Variants in GRIK5 observed in about 807,000 individuals in gnomAD.
GRIK5 encodes glutamate ionotropic receptor kainate type subunit 5.
In GRIK5, 43 loss-of-function variants were observed where a neutral mutation model predicts 97.4. That is an observed-to-expected ratio of 0.44 (90% CI 0.35 to 0.57). GRIK5 has a LOEUF of 0.57. Ranked by LOEUF, GRIK5 falls within the 20% of genes least tolerant of loss-of-function variation. The pLI, the probability that GRIK5 is intolerant of heterozygous loss-of-function variation, is 0.01. For missense variants in GRIK5, 1,015 were observed against 1,382.0 expected (o/e 0.73, Z 4.21); for synonymous variants, 580 against 583.5 (o/e 0.99, Z 0.09).
chr19:42,044,810 C>G (rs999445879), intron 11 of GRIK5, among the ~76,000 whole-genome samples: 4 of 152,140 alleles, frequency 2.6e-5, no homozygotes. Context: ...ATTAGCCAGG[C>G]GTGCTGGTGT....
chr19:42,027,380 G>T (rs951262611), intron 12 of GRIK5, among the ~76,000 whole-genome samples: 2 of 152,216 alleles, frequency 1.3e-5, no homozygotes, highest in African/African-American at 4.8e-5. Flanking sequence ...AGTGATCAGC[G>T]GGTTCAGTCC....
intron 6 of GRIK5, among the ~76,000 whole-genome samples, chr19:42,057,690 C>T (rs978974358): frequency 3.3e-5 from 5 of 152,052 alleles, no homozygotes; most frequent in East Asian, 1.9e-4. Flanking sequence ...AATTTTAAGC[C>T]CTACACTCTC....
At chr19:42,007,081 T>C (rs1476526176) in intron 15 of GRIK5, among the ~76,000 whole-genome samples, 2 of 151,742 alleles carry the variant, frequency 1.3e-5, no homozygotes, top group East Asian at 1.9e-4. Context: ...CTGGATAGAA[T>C]ACAGGAAACT....
At chr19:42,064,381 G>A (rs1402284411) in intron 3 of GRIK5, among the ~76,000 whole-genome samples, 3 of 151,962 alleles carry the variant, frequency 2.0e-5, no homozygotes, top group Admixed American at 2.0e-4. Context: ...CTCCAAATAT[G>A]TCCTGAATCC....
intron 11 of GRIK5, among the ~76,000 whole-genome samples, chr19:42,047,833 T>TG (rs1009296265): frequency 1.3e-5 from 2 of 151,058 alleles, no homozygotes; most frequent in African/African-American, 4.9e-5. Flanking sequence ...CAGCCAGGCG[T>TG]GGTGGTGGGC....
At position 42,021,864 on chromosome 19, in the gene GRIK5, G is replaced by A. The variant is rs776330728; in HGVS notation, c.1697+83C>T. The A allele has an allele frequency of 2.2e-5, 19 of 851,618 alleles. No homozygotes were observed. Among genetic ancestry groups the A allele is most frequent in the Admixed American group, 4.4e-5 (2 of 45,012 alleles). The allele number at this position is 851,618 out of a possible 1,614,324, so 52.8% of individuals were successfully genotyped here. On this transcript the variant is annotated intron_variant, in intron 14 of 19. Transcript: ENST00000593562. This position sits in a 1 kb window ranked among gnomAD's most constrained non-coding sequence, Gnocchi z 4.2. Reference sequence around the variant, plus strand: ...CAAAGGGGAGGCCAAGGACAGTTCCGAGAGAGAAGAGGCAGGTCGGTCCCA... The same window carrying A: ...CAAAGGGGAGGCCAAGGACAGTTCCAAGAGAGAAGAGGCAGGTCGGTCCCA...
rs1431538407 is a variant in GRIK5 at position 42,042,496 on chromosome 19, C to T, written c.1473+56G>A. 15 of 1,480,908 alleles carry T rather than the reference C, an allele frequency of 1.0e-5. No individual in the cohort carries two copies. The Admixed American group carries it at 1.4e-4, about 14-fold the overall frequency. The allele number at this position is 1,480,908 out of a possible 1,614,324, so 91.7% of individuals were successfully genotyped here. ...AGGTTCGACTGGCTGCCCAGCTGCC[C>T]GCCCTCCCTCACTCGCCGGGTCCAT... On this transcript the variant is annotated intron_variant, in intron 12 of 19. Transcript: ENST00000593562. The surrounding 1 kb of genome is among the most constrained non-coding windows in gnomAD (Gnocchi z 6.9).
chr19:41,999,301 TG>T lies in GRIK5; in HGVS notation c.2515-3del. 1.3e-6 allele frequency: 2 copies of T among 1,512,468 alleles called. No homozygotes were observed. The highest frequency in any genetic ancestry group is 1.2e-5 in the South Asian group (1 of 82,576). The allele number at this position is 1,512,468 out of a possible 1,614,324, so 93.7% of individuals were successfully genotyped here. On this transcript the variant is annotated splice_polypyrimidine_tract_variant and splice_region_variant and intron_variant, in intron 19 of 19. Transcript: ENST00000593562. This position sits in a 1 kb window ranked among gnomAD's most constrained non-coding sequence, Gnocchi z 5.0. ...CAGCATCTCCTGGCACACCGACACCTGGGGGTGGCGCGGGCGGTCACCGTCC... is the reference window on the plus strand; with the variant it reads ...CAGCATCTCCTGGCACACCGACACCTGGGGTGGCGCGGGCGGTCACCGTCC...
chr19:41,999,258 G>C lies in GRIK5; in HGVS notation c.2556C>G (p.Ala852=). ...AACGCGACGTCTTGCGGCAAGAAAC[G>C]GCGTGGCGCAGCTCCTGCAGCATCT... The part of the protein sequence containing the change: ...CQEMLQELRH[A]VSCRKTSRSR... The change falls in exon 20 of 20, where the codon GCC becomes GCG. Residue 852 remains alanine, a synonymous_variant. Coordinates refer to ENST00000593562, the MANE Select transcript of GRIK5 (RefSeq NM_002088.5). The surrounding 1 kb of genome is among the most constrained non-coding windows in gnomAD (Gnocchi z 5.0). 2 of 1,524,590 alleles carry C rather than the reference G, an allele frequency of 1.3e-6. No individual in the cohort carries two copies. Among genetic ancestry groups the C allele is most frequent in the South Asian group, 1.2e-5 (1 of 83,522 alleles). The allele number at this position is 1,524,590 out of a possible 1,614,324, so 94.4% of individuals were successfully genotyped here.
At chr19:42,050,612 C>T (rs111404778) in intron 11 of GRIK5, among the ~76,000 whole-genome samples, 4 of 149,366 alleles carry the variant, frequency 2.7e-5, no homozygotes, top group South Asian at 2.1e-4. Flanking sequence ...GAGCCGAGAT[C>T]GCGCCACTGC....
At position 42,062,982 on chromosome 19, in the gene GRIK5, C is replaced by T. The variant is rs2076280976; in HGVS notation, c.245-127G>A. ...TGGCAACTGCCTGATCCTCTTCTGC[C>T]ATCCGGGACCCAGAAGGCCAGTCTC... On this transcript the variant is annotated intron_variant, in intron 3 of 19. Coordinates refer to ENST00000593562, the MANE Select transcript of GRIK5 (RefSeq NM_002088.5). The surrounding 1 kb of genome is among the most constrained non-coding windows in gnomAD (Gnocchi z 5.3). 14 of 686,176 alleles carry T rather than the reference C, an allele frequency of 2.0e-5. No homozygotes were observed. The South Asian group carries it at 2.2e-4, about 11-fold the overall frequency. The allele number at this position is 686,176 out of a possible 1,614,324, so 42.5% of individuals were successfully genotyped here. A position where few individuals can be genotyped will look rare whatever the true frequency, so the allele number is the denominator to read the frequency against.
In GRIK5 at chr19:42,065,845, G is replaced by A; in HGVS notation, c.-50-25C>T. The A allele has an allele frequency of 2.4e-6, 3 of 1,232,608 alleles. No individual in the cohort carries two copies. Among genetic ancestry groups the A allele is most frequent in the East Asian group, 2.5e-5 (1 of 39,512 alleles). The allele number at this position is 1,232,608 out of a possible 1,614,324, so 76.4% of individuals were successfully genotyped here. On this transcript the variant is annotated intron_variant, in intron 1 of 19. Coordinates refer to ENST00000593562, the MANE Select transcript of GRIK5 (RefSeq NM_002088.5). The surrounding 1 kb of genome is among the most constrained non-coding windows in gnomAD (Gnocchi z 5.8). ...CCTGCAGGGAGACCCCCCAGACCAA[G>A]GGGAGATTACTATGTGGTGGGATGG...
intron 15 of GRIK5, among the ~76,000 whole-genome samples, chr19:42,012,103 C>T (rs2075569922): frequency 6.6e-6 from 1 of 152,192 alleles, no homozygotes; most frequent in Non-Finnish European, 1.5e-5. Context: ...TTGGTTTGAA[C>T]CAGCGGCTGG....
Position 42,065,239 on chromosome 19 carries a change from G to A in GRIK5, c.228C>T (p.Tyr76=), listed in dbSNP as rs780252603. The A allele has an allele frequency of 2.0e-5, 32 of 1,612,008 alleles. No individual in the cohort carries two copies. Among genetic ancestry groups the A allele is most frequent in the Admixed American group, 5.0e-5 (3 of 59,884 alleles). The change falls in exon 3 of 20, where the codon TAC becomes TAT. Residue 76 remains tyrosine, a synonymous_variant. Transcript: ENST00000593562. This position sits in a 1 kb window ranked among gnomAD's most constrained non-coding sequence, Gnocchi z 5.8. The part of the protein sequence containing the change: ...DIFELQRDSQ[Y]ETTDTMCQIL... ...CCCGCTCACTGGTGTCCGTGGTCTC[G>A]TACTGGCTGTCCCGCTGCAGCTCAA...
Sources: allele counts gnomAD v4.1 joint callset (sites outside exome capture counted in the v4.1 genomes callset), GRCh38; gene constraint gnomAD v4.1.1; non-coding constraint Gnocchi (gnomAD v3.1); transcripts MANE v1.5; gene names NCBI Gene and HGNC (gene_info 2026-07-23, HGNC 2026-07-21).